The following DOCK1 variants were observed in gnomAD, a reference collection of about 807,000 sequenced individuals.
DOCK1 encodes the protein dedicator of cytokinesis 1.
In DOCK1, 138 loss-of-function variants were observed where a neutral mutation model predicts 262.7. The observed-to-expected ratio is 0.53, with a 90% CI of 0.46 to 0.61. The LOEUF (loss-of-function observed/expected upper bound fraction) is 0.61. DOCK1 is among the 20% of genes least tolerant of loss of function. DOCK1 has a pLI of 0.00. For synonymous variants in DOCK1, 866 were observed against 867.4 expected, an observed-to-expected ratio of 1.00 and a Z score of 0.03; for missense variants, 1,908 against 2,370.7, an observed-to-expected ratio of 0.80 and a Z score of 4.05.
intron 21 of DOCK1, among the ~76,000 whole-genome samples, chr10:127,049,883 A>C (rs892299113): frequency 6.6e-6 from 1 of 152,062 alleles, no homozygotes; most frequent in Non-Finnish European, 1.5e-5. Context: ...GAAGGAGAGA[A>C]TATAAAATAC....
intron 27 of DOCK1, among the ~76,000 whole-genome samples, chr10:127,194,577 T>C (rs1439621733): frequency 6.6e-6 from 1 of 152,186 alleles, no homozygotes; most frequent in African/African-American, 2.4e-5. Context: ...GTTATATCAT[T>C]TTCATGTATG....
chr10:127,406,480 A>G (rs1037253201), intron 40 of DOCK1, among the ~76,000 whole-genome samples: 13 of 152,188 alleles, frequency 8.5e-5, no homozygotes, highest in African/African-American at 2.7e-4. Context: ...GTCTGCAGCA[A>G]TATATTTATC....
intron 1 of DOCK1, among the ~76,000 whole-genome samples, chr10:126,958,668 G>A (rs2036946287): frequency 1.3e-5 from 2 of 152,148 alleles, no homozygotes; most frequent in Non-Finnish European, 2.9e-5. Context: ...TAGAATATGT[G>A]CCACAGGGCT....
At chr10:127,003,186 ATG>A (rs1157976812) in intron 10 of DOCK1, among the ~76,000 whole-genome samples, 4 of 148,668 alleles carry the variant, frequency 2.7e-5, no homozygotes, top group African/African-American at 1.0e-4. Context: ...CTCTAAGAAC[ATG>A]TGTGAACCTG....
intron 27 of DOCK1, among the ~76,000 whole-genome samples, chr10:127,179,838 G>A (rs1337569871): frequency 6.6e-6 from 1 of 152,190 alleles, no homozygotes; most frequent in Non-Finnish European, 1.5e-5. Context: ...CAGTAAGCAT[G>A]CAGTTAAGTG....
intron 23 of DOCK1, among the ~76,000 whole-genome samples, chr10:127,090,789 A>G (rs1471517772): frequency 4.6e-5 from 7 of 152,106 alleles, no homozygotes; most frequent in East Asian, 1.9e-4. Flanking sequence ...TTTACTTAGT[A>G]TATTCTCAGG....
At chr10:127,078,675 A>G (rs2135990035) in intron 23 of DOCK1, among the ~76,000 whole-genome samples, 1 of 152,368 alleles carries the variant, frequency 6.6e-6, no homozygotes, top group Non-Finnish European at 1.5e-5. Context: ...ATTCACAATT[A>G]CAAAAATTGT....
At chr10:127,225,135 G>A (rs1010556567) in intron 27 of DOCK1, among the ~76,000 whole-genome samples, 8 of 152,142 alleles carry the variant, frequency 5.3e-5, no homozygotes, top group Non-Finnish European at 1.0e-4. Flanking sequence ...ATGTTGTTAC[G>A]TGCCAAAAAT....
At position 127,439,167 on chromosome 10, in the gene DOCK1, A is replaced by G; in HGVS notation, c.5201A>G (p.Glu1734Gly). Residue 1734 changes from glutamate to glycine, a missense_variant, in exon 49 of 52, where the codon GAA (glutamate) becomes GGA (glycine). Glu to Gly is a moderately conservative substitution (Grantham distance 98). Transcript: ENST00000623213. ...AAACATCAAGAGATATTTGAGAAAG[A>G]ATTTAAACCCACCGACATTTCCCTG... is the stretch of plus-strand genomic sequence containing the variant. ...NSKHQEIFEK[E>G]FKPTDISLQQ... 6.2e-7 allele frequency: 1 copy of G among 1,611,064 alleles called. No individual in the cohort carries two copies. The highest frequency in any genetic ancestry group is 8.5e-7 in the Non-Finnish European group (1 of 1,178,760).
intron 45 of DOCK1, 57 bp downstream of exon 45, chr10:127,418,598 A>G (rs1211062022): frequency 6.5e-7 from 1 of 1,540,808 alleles, no homozygotes. Flanking sequence ...ACAGACTGAA[A>G]ATTCCCGAGA....
intron 23 of DOCK1, among the ~76,000 whole-genome samples, chr10:127,073,977 G>A (rs1365937671): frequency 6.6e-6 from 1 of 152,166 alleles, no homozygotes; most frequent in Non-Finnish European, 1.5e-5. Flanking sequence ...CCAAACCAAG[G>A]CCTGGGAGGA....
rs1225590018 is a variant in DOCK1 at position 127,023,289 on chromosome 10, G to C, written c.1417G>C (p.Val473Leu). 1 of 1,613,992 alleles carries C rather than the reference G, an allele frequency of 6.2e-7. No homozygotes were observed. ...KTTAKNVEVT[V>L]SVYDEDGKRL... ...AACAGCGAAGAACGTGGAGGTCACG[G>C]TGTCTGTGTACGATGAGGATGGGAA... The change falls in exon 14 of 52, where the codon GTG (valine) becomes CTG (leucine). Residue 473 changes from valine (V) to leucine (L), a missense_variant. Physicochemically the swap from Val to Leu is conservative, Grantham distance 32. Transcript: ENST00000623213.
At chr10:127,203,899 AT>A (rs112984062) in intron 27 of DOCK1, among the ~76,000 whole-genome samples, 5,920 of 144,384 alleles carry the variant, frequency 0.041, 128 homozygotes, top group African/African-American at 0.073. Flanking sequence ...CACAATTTTG[AT>A]TTTTTTTTTT....
chr10:127,029,258 C>T (rs1196287074), intron 16 of DOCK1, among the ~76,000 whole-genome samples: 1 of 152,196 alleles, frequency 6.6e-6, no homozygotes, highest in Non-Finnish European at 1.5e-5. Context: ...CTGACCATGG[C>T]CTTCGGGGCC....
chr10:126,949,431 A>C (rs2035977926), intron 1 of DOCK1, among the ~76,000 whole-genome samples: 1 of 152,108 alleles, frequency 6.6e-6, no homozygotes, highest in Non-Finnish European at 1.5e-5. Context: ...CACACCTACC[A>C]ACTATACATG....
chr10:127,145,983 G>T (rs1416692981), intron 27 of DOCK1: 1 of 515,494 alleles, frequency 1.9e-6, no homozygotes, highest in Non-Finnish European at 3.9e-6. Flanking sequence ...CCTGCCCTGG[G>T]GACCCCGCAC....
chr10:127,069,977 G>A (rs1264888659), intron 23 of DOCK1, among the ~76,000 whole-genome samples: 1 of 152,134 alleles, frequency 6.6e-6, no homozygotes, highest in Non-Finnish European at 1.5e-5. Context: ...CCTTTTGGCT[G>A]CTCCAAGAGA....
chr10:127,036,768 G>A (rs1177950653), intron 18 of DOCK1, among the ~76,000 whole-genome samples: 1 of 151,942 alleles, frequency 6.6e-6, no homozygotes, highest in African/African-American at 2.4e-5. Context: ...GCGATCAGGA[G>A]TTCGAGATCA....
At chr10:127,435,684 T>C (rs2069639463) in intron 48 of DOCK1, among the ~76,000 whole-genome samples, 2 of 152,260 alleles carry the variant, frequency 1.3e-5, no homozygotes, top group East Asian at 1.9e-4. Flanking sequence ...GAGTGGTGAA[T>C]TGCACATGTG....
Sources: allele counts gnomAD v4.1 joint callset (sites outside exome capture counted in the v4.1 genomes callset), GRCh38; gene constraint gnomAD v4.1.1; transcripts MANE v1.5; gene names NCBI Gene and HGNC (gene_info 2026-07-23, HGNC 2026-07-21).